Variants in APC observed in about 807,000 individuals in gnomAD.
The protein encoded by APC is APC regulator of Wnt signaling pathway.
Under a neutral mutation model 247.0 loss-of-function variants are expected in APC, and 72 were observed. The observed-to-expected ratio is 0.29, with a 90% CI of 0.24 to 0.35. The LOEUF (loss-of-function observed/expected upper bound fraction) is 0.35. Ranked by LOEUF, APC falls within the 10% of genes least tolerant of loss-of-function variation. The probability of loss-of-function intolerance (pLI) is 1.00; values close to 1 mark genes in which losing one functional copy is unlikely to be tolerated. For missense variants in APC, 3,400 were observed against 3,360.7 expected (o/e 1.01, Z -0.29); for synonymous variants, 1,254 against 1,162.5 (o/e 1.08, Z -1.60).
intron 10 of APC, 115 bp from the exon 11 acceptor site, chr5:112,821,780 TA>T: frequency 1.3e-6 from 1 of 786,588 alleles, no homozygotes; most frequent in Non-Finnish European, 2.1e-6. Context: ...GTTGATCCAC[TA>T]AAATTCCGTG....
chr5:112,829,167 C>T, intron 14 of APC, 195 bp downstream of exon 14: 1 of 478,414 alleles, frequency 2.1e-6, no homozygotes, highest in South Asian at 2.1e-5. Flanking sequence ...GAGATGGGGT[C>T]TCTTTCTCTC....
chr5:112,754,277 G>A (rs1234597972), intron 1 of APC, among the ~76,000 whole-genome samples: 6 of 152,162 alleles, frequency 3.9e-5, no homozygotes, highest in Non-Finnish European at 8.8e-5. Context: ...CTATCAAAAA[G>A]GCTTAAAGTC....
At chr5:112,811,074 C>A (rs527382138) in intron 8 of APC, among the ~76,000 whole-genome samples, 32 of 151,980 alleles carry the variant, frequency 2.1e-4, no homozygotes, top group Admixed American at 1.2e-3. Context: ...AAGTTGAAGA[C>A]CAGGAAATAA....
At chr5:112,771,139 T>G (rs1180807935) in intron 4 of APC, among the ~76,000 whole-genome samples, 14 of 152,130 alleles carry the variant, frequency 9.2e-5, no homozygotes, top group Admixed American at 7.2e-4. Context: ...TTGCTCCCTA[T>G]TGATAGAATA....
rs1290380033 is a variant in APC, at chr5:112,842,995, A to G, written c.7401A>G (p.Pro2467=). 1 of 1,614,062 alleles carries G rather than the reference A, an allele frequency of 6.2e-7. No individual in the cohort carries two copies. The highest frequency in any genetic ancestry group is 8.5e-7 in the Non-Finnish European group (1 of 1,179,948). Residue 2467 remains proline (P), a synonymous_variant, in exon 16 of 16, where the codon CCA becomes CCG. Coordinates refer to ENST00000257430, the MANE Select transcript of APC (RefSeq NM_000038.6). ...EESASFESLS[P]SSRPASPTRS... is the part of the protein sequence containing the mutation. ...CTGCTTCATTTGAATCTCTTTCTCC[A>G]TCATCTAGACCAGCTTCTCCCACTA...
intron 1 of APC, among the ~76,000 whole-genome samples, chr5:112,751,962 C>A (rs911982250): frequency 3.9e-5 from 6 of 151,936 alleles, no homozygotes; most frequent in Non-Finnish European, 7.4e-5. Flanking sequence ...GTCTTTTCCT[C>A]ATCTTTGGCA....
intron 1 of APC, among the ~76,000 whole-genome samples, chr5:112,713,847 AG>A (rs955587274): frequency 6.6e-6 from 1 of 152,086 alleles, no homozygotes; most frequent in Non-Finnish European, 1.5e-5. Flanking sequence ...TAGTAGAGAC[AG>A]GGTTTCGCAA....
At chr5:112,818,848 G>GC in intron 9 of APC, 118 bp from the exon 10 acceptor site, 1 of 898,640 alleles carries the variant, frequency 1.1e-6, no homozygotes, top group African/African-American at 2.1e-5. Flanking sequence ...TTTTTTTGGC[G>GC]GGGGGGGTTG....
chr5:112,755,392 A>G (rs781465649), intron 2 of APC, among the ~76,000 whole-genome samples: 11 of 151,926 alleles, frequency 7.2e-5, no homozygotes, highest in Non-Finnish European at 1.3e-4. Flanking sequence ...TTCCTCCCCA[A>G]CTCCCTCAGA....
chr5:112,740,468 ATG>A (rs1752862757), intron 1 of APC, among the ~76,000 whole-genome samples: 1 of 149,578 alleles, frequency 6.7e-6, no homozygotes, highest in Non-Finnish European at 1.5e-5. Context: ...ATATTCATAA[ATG>A]TTTTATGAAC....
At chr5:112,784,622 C>G (rs901242746) in intron 6 of APC, among the ~76,000 whole-genome samples, 2 of 152,110 alleles carry the variant, frequency 1.3e-5, no homozygotes, top group South Asian at 4.1e-4. Context: ...CCAAAGCACT[C>G]CTTTCCCTCC....
chr5:112,739,047 T>A (rs778447438), intron 1 of APC, among the ~76,000 whole-genome samples: 1 of 152,226 alleles, frequency 6.6e-6, no homozygotes, highest in Non-Finnish European at 1.5e-5. Flanking sequence ...GGCCTAATAT[T>A]TAAGACCTAT....
At chr5:112,776,637 A>C (rs1757680026) in intron 5 of APC, among the ~76,000 whole-genome samples, 1 of 152,174 alleles carries the variant, frequency 6.6e-6, no homozygotes, top group Admixed American at 6.5e-5. Flanking sequence ...CAGGAGTTCG[A>C]GACCAGCCTG....
At chr5:112,728,980 T>C (rs1420538171) in intron 1 of APC, among the ~76,000 whole-genome samples, 2 of 152,218 alleles carry the variant, frequency 1.3e-5, no homozygotes, top group Non-Finnish European at 2.9e-5. Flanking sequence ...CTAAACATCC[T>C]TGAAGTCTAG....
chr5:112,840,736 T>C lies in APC; in HGVS notation c.5142T>C (p.Asp1714=). Residue 1714 remains aspartate (D), a synonymous_variant, in exon 16 of 16, where the codon GAT becomes GAC. Transcript: ENST00000257430. The surrounding 1 kb of genome is among the most constrained non-coding windows in gnomAD (Gnocchi z 4.1). ...KTSSVTIPEL[D]DNKAEEGDIL... is the part of the protein sequence containing the mutation. ...CATCTGTAACCATACCTGAATTGGATGACAATAAAGCAGAGGAAGGTGATA... is the reference window on the plus strand; with the variant it reads ...CATCTGTAACCATACCTGAATTGGACGACAATAAAGCAGAGGAAGGTGATA... 1 of 1,614,084 alleles carries C rather than the reference T, an allele frequency of 6.2e-7. No individual in the cohort carries two copies. Among genetic ancestry groups the C allele is most frequent in the Non-Finnish European group, 8.5e-7 (1 of 1,179,994 alleles).
intron 8 of APC, among the ~76,000 whole-genome samples, chr5:112,811,962 T>C (rs77203577): frequency 1.3e-5 from 2 of 152,154 alleles, no homozygotes; most frequent in East Asian, 3.9e-4. Context: ...CTTACGGCTA[T>C]TGAAGGCCTC....
rs181436331 is a variant in APC at position 112,744,422 on chromosome 5, A to G, written c.-19+6497A>G. Among the ~76,000 whole-genome samples the G allele has an allele frequency of 1.3e-4, 20 of 152,332 alleles. No homozygotes were observed. Among genetic ancestry groups the G allele is most frequent in the Non-Finnish European group, 2.9e-4 (20 of 68,032 alleles). Reference sequence around the variant, plus strand: ...CTGAGTAAAGCATTTTGGGAATTACAAAAGCTAAGTATTAGATATAGACCT... The same window carrying G: ...CTGAGTAAAGCATTTTGGGAATTACGAAAGCTAAGTATTAGATATAGACCT... On this transcript the variant is annotated intron_variant, in intron 1 of 15. Coordinates refer to ENST00000257430, the MANE Select transcript of APC (RefSeq NM_000038.6).
At chr5:112,738,473 G>C (rs1752594267) in intron 1 of APC, 1 of 985,734 alleles carries the variant, frequency 1.0e-6, no homozygotes, top group African/African-American at 1.7e-5. Context: ...ACTGCAGAGC[G>C]TGAGTGGTGG....
chr5:112,838,256 G>T lies in APC; in HGVS notation c.2662G>T (p.Ala888Ser), dbSNP rs1554084353. The change falls in exon 16 of 16, where the codon GCC becomes TCC. Residue 888 changes from alanine (A) to serine (S), a missense_variant. By Grantham distance (99) the Ala-to-Ser change is moderately conservative. Transcript: ENST00000257430. Reference sequence around the variant, plus strand: ...GATCTCCACCACTGCAGCCCAGATTGCCAAAGTCATGGAAGAAGTGTCAGC... The same window carrying T: ...GATCTCCACCACTGCAGCCCAGATTTCCAAAGTCATGGAAGAAGTGTCAGC... ...LQISTTAAQI[A>S]KVMEEVSAIH... The T allele has an allele frequency of 1.9e-6, 3 of 1,614,198 alleles. No individual in the cohort carries two copies. The highest frequency in any genetic ancestry group is 2.7e-5 in the African/African-American group (2 of 75,056).
Sources: allele counts gnomAD v4.1 joint callset (sites outside exome capture counted in the v4.1 genomes callset), GRCh38; gene constraint gnomAD v4.1.1; non-coding constraint Gnocchi (gnomAD v3.1); transcripts MANE v1.5; gene names NCBI Gene and HGNC (gene_info 2026-07-23, HGNC 2026-07-21).